The following SAMD8 variants were observed in gnomAD, a reference collection of about 807,000 sequenced individuals.
The protein encoded by SAMD8 is sterile alpha motif domain containing 8.
Under a neutral mutation model 42.0 loss-of-function variants are expected in SAMD8, and 20 were observed. The ratio of observed to expected loss-of-function variants is 0.48; its 90% CI spans 0.34 to 0.69. SAMD8 has a LOEUF of 0.69. SAMD8 is among the 30% of genes least tolerant of loss of function. The probability of loss-of-function intolerance (pLI) is 0.01; values close to 1 mark genes in which losing one functional copy is unlikely to be tolerated. For synonymous variants in SAMD8, 162 were observed against 173.0 expected (o/e 0.94, Z 0.50); for missense variants, 328 against 511.6 (o/e 0.64, Z 3.46).
Position 75,171,455 on chromosome 10 carries a change from T to C in SAMD8, c.792+2797T>C, listed in dbSNP as rs550818629. ...GTGCTGAGATTACAGGCGTGAGCCA[T>C]CGCGCCCAGCCTCTTTAGCCTATTT... On this transcript the variant is annotated intron_variant, in intron 4 of 5. Transcript: ENST00000542569. Among the ~76,000 whole-genome samples the C allele has an allele frequency of 2.4e-4, 36 of 152,174 alleles. 1 individual carries two copies. The highest frequency in any genetic ancestry group is 3.4e-3 in the Middle Eastern group (1 of 294).
rs572231227 is a variant in SAMD8, at chr10:75,148,396, C to T, written c.-15-2118C>T. On this transcript the variant is annotated intron_variant, in intron 1 of 5. Transcript: ENST00000542569. ...TGAGACAGAGTCTTGCTCTGTCGCC[C>T]AGGCTGGTGTGCAATGGCACAATCT... is the stretch of plus-strand genomic sequence containing the variant. 5.2e-5 allele frequency among the ~76,000 whole-genome samples: 7 copies of T among 134,072 alleles called. No homozygotes were observed. In the East Asian group the frequency reaches 9.3e-4, roughly 18 times the overall value. The allele number at this position is 134,072 out of a possible 152,430, so 88.0% of individuals were successfully genotyped here. A position where few individuals can be genotyped will look rare whatever the true frequency, so the allele number is the denominator to read the frequency against.
At chr10:75,130,493 C>T (rs773045909) in intron 1 of SAMD8, among the ~76,000 whole-genome samples, 4 of 151,870 alleles carry the variant, frequency 2.6e-5, no homozygotes, top group Non-Finnish European at 5.9e-5. Flanking sequence ...GCAACAAGAG[C>T]GAAACTCCAT....
At chr10:75,124,660 A>G (rs913246957) in intron 1 of SAMD8, among the ~76,000 whole-genome samples, 7 of 151,508 alleles carry the variant, frequency 4.6e-5, no homozygotes, top group African/African-American at 7.3e-5. Flanking sequence ...AGAGAGCAAA[A>G]CGGTACACAT....
At chr10:75,157,232 G>A (rs1840432263) in intron 2 of SAMD8, among the ~76,000 whole-genome samples, 1 of 151,490 alleles carries the variant, frequency 6.6e-6, no homozygotes, top group South Asian at 2.1e-4. Context: ...AAATGATGAG[G>A]GGGAGAGAGA....
At chr10:75,174,430 CTTTTTTTTTTTT>C (rs1159237277) in intron 4 of SAMD8, among the ~76,000 whole-genome samples, 2 of 102,760 alleles carry the variant, frequency 1.9e-5, no homozygotes, top group African/African-American at 3.7e-5. Context: ...TGCCTGGCCT[CTTTTTTTTTTTT>C]TTTTTTTTTG....
chr10:75,157,175 CTT>C (rs1204795031), intron 2 of SAMD8, among the ~76,000 whole-genome samples: 3 of 151,274 alleles, frequency 2.0e-5, no homozygotes, highest in South Asian at 2.1e-4. Context: ...ATTCTTTTAA[CTT>C]TTTTTGTAGA....
chr10:75,162,554 C>T (rs1422537643), intron 2 of SAMD8, among the ~76,000 whole-genome samples: 1 of 146,532 alleles, frequency 6.8e-6, no homozygotes, highest in African/African-American at 2.5e-5. Flanking sequence ...GAGGCTGAGG[C>T]AAGAGAATTG....
intron 2 of SAMD8, among the ~76,000 whole-genome samples, chr10:75,163,841 G>C (rs1189970586): frequency 6.6e-6 from 1 of 151,978 alleles, no homozygotes; most frequent in Non-Finnish European, 1.5e-5. Flanking sequence ...GTTTGGTGGG[G>C]AGGAAAAAGG....
intron 1 of SAMD8, among the ~76,000 whole-genome samples, chr10:75,114,018 G>A (rs1287819538): frequency 6.6e-6 from 1 of 152,100 alleles, no homozygotes; most frequent in Non-Finnish European, 1.5e-5. Flanking sequence ...CCCTTTGTCA[G>A]TTCTCACACC....
At chr10:75,103,895 T>C (rs1488680992) in intron 1 of SAMD8, 1 of 1,307,956 alleles carries the variant, frequency 7.6e-7, no homozygotes, top group Non-Finnish European at 1.0e-6. Context: ...CACTCCCACC[T>C]GTGGAGACTG....
intron 1 of SAMD8, among the ~76,000 whole-genome samples, chr10:75,148,011 T>C (rs1840184038): frequency 1.3e-5 from 2 of 152,128 alleles, no homozygotes; most frequent in South Asian, 4.1e-4. Context: ...TTGTAAAAAA[T>C]ACAGACTCCT....
intron 1 of SAMD8, among the ~76,000 whole-genome samples, chr10:75,132,014 G>C (rs1849284738): frequency 6.6e-6 from 1 of 152,194 alleles, no homozygotes; most frequent in African/African-American, 2.4e-5. Flanking sequence ...CTATTCTAAT[G>C]TATAGCCAGG....
At chr10:75,127,656 A>T (rs536939699) in intron 1 of SAMD8, among the ~76,000 whole-genome samples, 10 of 152,242 alleles carry the variant, frequency 6.6e-5, no homozygotes, top group African/African-American at 2.4e-4. Flanking sequence ...AAGGAATAAC[A>T]CTCTGCTGAC....
At chr10:75,129,056 C>G (rs1849214214) in intron 1 of SAMD8, among the ~76,000 whole-genome samples, 1 of 151,984 alleles carries the variant, frequency 6.6e-6, no homozygotes, top group Non-Finnish European at 1.5e-5. Flanking sequence ...ACCATCTCAA[C>G]TGGATCTTTT....
chr10:75,137,265 C>T lies in SAMD8; in HGVS notation c.-15-13249C>T, dbSNP rs144504901. 3.4e-3 allele frequency among the ~76,000 whole-genome samples: 520 copies of T among 152,144 alleles called. 2 individuals carry two copies. Among genetic ancestry groups the T allele is most frequent in the African/African-American group, 0.012 (480 of 41,512 alleles). On this transcript the variant is annotated intron_variant, in intron 1 of 5. Transcript: ENST00000542569. ...CTTAGAAAGAAAATTCTGGGCTGGG[C>T]GTGGTGACTCATGCCTGTAATCCCA...
At chr10:75,150,433 G>T (rs1840260154) in intron 1 of SAMD8, 81 bp from the exon 2 acceptor site, 1 of 1,495,876 alleles carries the variant, frequency 6.7e-7, no homozygotes, top group Admixed American at 2.5e-5. Flanking sequence ...TGTTTCTGGT[G>T]TATTTATGTG....
intron 1 of SAMD8, among the ~76,000 whole-genome samples, chr10:75,106,648 T>TA (rs1848531514): frequency 6.6e-6 from 1 of 152,338 alleles, no homozygotes; most frequent in South Asian, 2.1e-4. Context: ...GGCCCACTCT[T>TA]ATGAGTAGCT....
upstream of SAMD8, among the ~76,000 whole-genome samples, chr10:75,110,111 C>T (rs769222182): frequency 2.0e-5 from 3 of 152,168 alleles, no homozygotes; most frequent in African/African-American, 4.8e-5. Flanking sequence ...GCCGCCGTGC[C>T]GGGCCAATGG....
chr10:75,106,096 C>CTTTTTTTTTTTT, intron 1 of SAMD8, among the ~76,000 whole-genome samples: 1 of 109,026 alleles, frequency 9.2e-6, no homozygotes, highest in African/African-American at 3.9e-5. Context: ...TCTTTTCTTT[C>CTTTTTTTTTTTT]TTTTCTTTTT....
Sources: allele counts gnomAD v4.1 joint callset (sites outside exome capture counted in the v4.1 genomes callset), GRCh38; gene constraint gnomAD v4.1.1; transcripts MANE v1.5; gene names NCBI Gene and HGNC (gene_info 2026-07-23, HGNC 2026-07-21).